LMOD3: variants seen among roughly 807,000 people sequenced by gnomAD.
The protein encoded by LMOD3 is leiomodin 3.
A neutral mutation model predicts 41.8 loss-of-function variants in LMOD3; 31 were observed. That is an observed-to-expected ratio of 0.74 (90% CI 0.56 to 1.00). LMOD3 has a LOEUF of 1.00. Ranked by LOEUF, LMOD3 falls within the 50% of genes least tolerant of loss-of-function variation. The pLI is 0.00. For missense variants in LMOD3, 755 were observed against 679.5 expected (o/e 1.11, Z -1.23); for synonymous variants, 292 against 241.9 (o/e 1.21, Z -1.92).
At chr3:69,113,625 C>T (rs74735148) in intron 2 of LMOD3, among the ~76,000 whole-genome samples, 2,911 of 152,316 alleles carry the variant, frequency 0.019, 52 homozygotes, top group East Asian at 0.035. Context: ...CTTTAGCCAA[C>T]TGGATGGGAG....
intron 2 of LMOD3, among the ~76,000 whole-genome samples, chr3:69,111,721 G>A (rs1490852488): frequency 4.6e-5 from 7 of 152,142 alleles, no homozygotes; most frequent in Non-Finnish European, 8.8e-5. Context: ...TATTACAGGT[G>A]TGAGCCACCA....
chr3:69,115,415 G>A (rs2092367198), intron 2 of LMOD3, among the ~76,000 whole-genome samples: 1 of 151,874 alleles, frequency 6.6e-6, no homozygotes, highest in African/African-American at 2.4e-5. Context: ...CCTGGAGGTT[G>A]AGGCTGCAGT....
rs1220885469 is a variant in LMOD3, at chr3:69,119,097, A to T, written c.1258T>A (p.Leu420Ile). The change falls in exon 2 of 3, where the codon TTA (leucine) becomes ATA (isoleucine). Residue 420 changes from leucine (L) to isoleucine (I), a missense_variant. By Grantham distance (5) the Leu-to-Ile change is conservative. Transcript: ENST00000420581. The part of the protein sequence containing the change: ...LKEQKKLIAM[L>I]ENGLGLPPGM... The stretch of plus-strand genomic sequence containing the variant: ...GGGGGCAGCCCCAACCCATTCTCTA[A>T]CATGGCTATCAGCTTCTTCTGTTCC... 1 of 1,613,696 alleles carries T rather than the reference A, an allele frequency of 6.2e-7. No individual in the cohort carries two copies.
At position 69,107,398 on chromosome 3, in the gene LMOD3, A is replaced by G. The variant is rs1025863164; in HGVS notation, c.*1697T>C. 1 of 149,568 alleles carries G rather than the reference A, an allele frequency of 6.7e-6. No individual in the cohort carries two copies. Among genetic ancestry groups the G allele is most frequent in the Admixed American group, 6.8e-5 (1 of 14,770 alleles). The allele number at this position is 149,568 out of a possible 1,614,324, so 9.3% of individuals were successfully genotyped here. ...CACTTATGATAACATAAAAGGAGAA[A>G]GAAGGCAGGTGCCAATTATTTACTC... On this transcript the variant is annotated 3_prime_UTR_variant, in exon 3 of 3. Coordinates refer to ENST00000420581, the MANE Select transcript of LMOD3 (RefSeq NM_198271.5).
rs775938178 is a variant in LMOD3 at position 69,118,850 on chromosome 3, G to C, written c.1505C>G (p.Ala502Gly). 31 of 1,607,650 alleles carry C rather than the reference G, an allele frequency of 1.9e-5. No individual in the cohort carries two copies. The highest frequency in any genetic ancestry group is 2.0e-5 in the Non-Finnish European group (23 of 1,178,198). The change falls in exon 2 of 3, where the codon GCC (alanine) becomes GGC (glycine). Residue 502 changes from alanine to glycine, a missense_variant. Physicochemically the swap from Ala to Gly is moderately conservative, Grantham distance 60. Transcript: ENST00000420581. Reference sequence around the variant, plus strand: ...GTTGGTTTTCTCGGGTGGTTCTCTGGCTTCCGGCATCCGAGATTTGCGCTG... The same window carrying C: ...GTTGGTTTTCTCGGGTGGTTCTCTGCCTTCCGGCATCCGAGATTTGCGCTG... ...RIQRKSRMPE[A>G]REPPEKTNLK...
Position 69,122,542 on chromosome 3 carries a change from G to A in LMOD3, c.-156C>T. On this transcript the variant is annotated 5_prime_UTR_variant, in exon 1 of 3. Transcript: ENST00000420581. ...TTTTTTTTTTCCCAGGAACCTCAGTGGTTTGCTGAGCAGCTAGGAGTGATC... is the reference window on the plus strand; with the variant it reads ...TTTTTTTTTTCCCAGGAACCTCAGTAGTTTGCTGAGCAGCTAGGAGTGATC... 2 of 610,180 alleles carry A rather than the reference G, an allele frequency of 3.3e-6. No individual in the cohort carries two copies. Among genetic ancestry groups the A allele is most frequent in the Non-Finnish European group, 5.7e-6 (2 of 353,664 alleles). 37.8% of individuals were successfully genotyped at this position (610,180 alleles called of 1,614,324 possible).
At position 69,119,130 on chromosome 3, in the gene LMOD3, G is replaced by A. The variant is rs772885500; in HGVS notation, c.1225C>T (p.Gln409Ter). 2 of 1,613,710 alleles carry A rather than the reference G, an allele frequency of 1.2e-6. No homozygotes were observed. The highest frequency in any genetic ancestry group is 2.2e-5 in the South Asian group (2 of 91,076). The stretch of plus-strand genomic sequence containing the variant: ...ATCAGCTTCTTCTGTTCCTTGAGTT[G>A]CTGCTGTTTTTGCTCTTCCTGTCGT... ...QKRQEEQKQQ[Q>*]LKEQKKLIAM... Residue 409 changes from glutamine (Q) to a stop codon, truncating the protein, a stop_gained, in exon 2 of 3, where the codon CAA becomes TAA. Coordinates refer to ENST00000420581, the MANE Select transcript of LMOD3 (RefSeq NM_198271.5). LOFTEE classifies it high-confidence loss of function.
chr3:69,116,638 G>A (rs1018752481), intron 2 of LMOD3, among the ~76,000 whole-genome samples: 1 of 152,184 alleles, frequency 6.6e-6, no homozygotes, highest in Non-Finnish European at 1.5e-5. Flanking sequence ...ACCCAAAACT[G>A]TAGTGTTCTC....
intron 2 of LMOD3, among the ~76,000 whole-genome samples, 198 bp downstream of exon 2, chr3:69,118,501 C>T (rs906224572): frequency 1.2e-4 from 18 of 152,054 alleles, no homozygotes; most frequent in African/African-American, 3.9e-4. Flanking sequence ...GTCATATAGG[C>T]GTACCTAGAG....
intron 2 of LMOD3, among the ~76,000 whole-genome samples, chr3:69,117,180 G>A (rs187087780): frequency 5.9e-5 from 9 of 152,240 alleles, no homozygotes; most frequent in East Asian, 3.9e-4. Context: ...GACCTCCAGC[G>A]TTCTCACCCT....
Position 69,122,150 on chromosome 3 carries a change from CT to C in LMOD3, c.236del (p.Lys79ArgfsTer17). The C allele has an allele frequency of 1.2e-6, 2 of 1,612,720 alleles. No homozygotes were observed. The highest frequency in any genetic ancestry group is 1.1e-5 in the South Asian group (1 of 90,750). ...KSLVDYMYWE[K>X]ASRRMLEEER... ...CCTCTTCCAGCATGCGCCTGGATGC[CT>C]TTTCCCAATACATATAATCAACAAG... On this transcript the variant is annotated frameshift_variant, in exon 1 of 3. Transcript: ENST00000420581. LOFTEE classifies it high-confidence loss of function.
In LMOD3 at chr3:69,119,717, AT is replaced by A. The variant is rs773282804; in HGVS notation, c.637del (p.Ile213TyrfsTer4). The A allele has an allele frequency of 1.2e-6, 2 of 1,613,624 alleles. No homozygotes were observed. The highest frequency in any genetic ancestry group is 4.5e-5 in the East Asian group (2 of 44,860). ...TAACTTCTTAGGATCTAATTTCGATATTTTTTTCTCACTTTGTTCTTGGGCC... is the reference window on the plus strand; with the variant it reads ...TAACTTCTTAGGATCTAATTTCGATATTTTTTCTCACTTTGTTCTTGGGCC... The part of the protein sequence containing the change: ...PEAQEQSEKK[I>X]SKLDPKKLAL... On this transcript the variant is annotated frameshift_variant, in exon 2 of 3. Coordinates refer to ENST00000420581, the MANE Select transcript of LMOD3 (RefSeq NM_198271.5). LOFTEE classifies it high-confidence loss of function.
chr3:69,115,627 C>T (rs1417856990), intron 2 of LMOD3, among the ~76,000 whole-genome samples: 3 of 152,242 alleles, frequency 2.0e-5, no homozygotes, highest in South Asian at 2.1e-4. Context: ...ATTTTAACCT[C>T]GTTCTTGAAA....
chr3:69,117,667 C>G (rs535243788), intron 2 of LMOD3, among the ~76,000 whole-genome samples: 1 of 152,212 alleles, frequency 6.6e-6, no homozygotes, highest in African/African-American at 2.4e-5. Context: ...TTTTAAAACT[C>G]CGTGAATTCA....
intron 2 of LMOD3, among the ~76,000 whole-genome samples, chr3:69,112,840 C>A (rs1290324567): frequency 6.6e-6 from 1 of 152,104 alleles, no homozygotes; most frequent in East Asian, 1.9e-4. Context: ...TGTATTTAGC[C>A]CTTTAGGTGA....
In LMOD3 at chr3:69,106,745, T is replaced by G. The variant is rs2092324308; in HGVS notation, c.*2350A>C. On this transcript the variant is annotated 3_prime_UTR_variant, in exon 3 of 3. Transcript: ENST00000420581. ...TTCGCTCTTGTTGCCCAGGCTGGAG[T>G]GCAATGGTGCAATCTCAGCTCACTG... is the stretch of plus-strand genomic sequence containing the variant. 1.3e-5 allele frequency: 2 copies of G among 150,408 alleles called. No individual in the cohort carries two copies. Among genetic ancestry groups the G allele is most frequent in the Non-Finnish European group, 3.0e-5 (2 of 67,778 alleles). The allele number at this position is 150,408 out of a possible 1,614,324, so 9.3% of individuals were successfully genotyped here. A position where few individuals can be genotyped will look rare whatever the true frequency, so the allele number is the denominator to read the frequency against.
rs568517831 is a variant in LMOD3 at position 69,110,357 on chromosome 3, G to A, written c.1657-1236C>T. ...CGATTCTCCTGCCTCAGACTCCCAA[G>A]TAGCTGGGACTACAGGTGCATGCCA... On this transcript the variant is annotated intron_variant, in intron 2 of 2. Coordinates refer to ENST00000420581, the MANE Select transcript of LMOD3 (RefSeq NM_198271.5). Among the ~76,000 whole-genome samples, 7 of 151,914 alleles carry A rather than the reference G, an allele frequency of 4.6e-5. No homozygotes were observed. The South Asian group carries it at 1.5e-3, about 32-fold the overall frequency.
At position 69,109,122 on chromosome 3, in the gene LMOD3, C is replaced by T. The variant is rs1285213306; in HGVS notation, c.1657-1G>A. Reference sequence around the variant, plus strand: ...ACGCCAGTTCTTTTGGCAGTTGCACCTGCGATTTAAGCATTTGAGGAAACG... The same window carrying T: ...ACGCCAGTTCTTTTGGCAGTTGCACTTGCGATTTAAGCATTTGAGGAAACG... On this transcript the variant is annotated splice_acceptor_variant, in intron 2 of 2. Transcript: ENST00000420581. LOFTEE classifies it high-confidence loss of function. 1.2e-6 allele frequency: 2 copies of T among 1,602,174 alleles called. No homozygotes were observed. The highest frequency in any genetic ancestry group is 1.7e-6 in the Non-Finnish European group (2 of 1,174,184).
In LMOD3 at chr3:69,106,717, G is replaced by T. The variant is rs1450254837; in HGVS notation, c.*2378C>A. ...AATTTTTTTTTTTTTTTTGAGATGA[G>T]GTTTCGCTCTTGTTGCCCAGGCTGG... On this transcript the variant is annotated 3_prime_UTR_variant, in exon 3 of 3. Transcript: ENST00000420581. Among the ~76,000 whole-genome samples, 1 of 148,472 alleles carries T rather than the reference G, an allele frequency of 6.7e-6. No individual in the cohort carries two copies. Among genetic ancestry groups the T allele is most frequent in the Non-Finnish European group, 1.5e-5 (1 of 67,568 alleles).
Sources: allele counts gnomAD v4.1 joint callset (sites outside exome capture counted in the v4.1 genomes callset), GRCh38; gene constraint gnomAD v4.1.1; transcripts MANE v1.5; gene names NCBI Gene and HGNC (gene_info 2026-07-23, HGNC 2026-07-21).